NFATC3: variants seen among roughly 807,000 people sequenced by gnomAD.
The protein encoded by NFATC3 is nuclear factor of activated T-cells, cytoplasmic 3.
Under a neutral mutation model 98.6 loss-of-function variants are expected in NFATC3, and 46 were observed. The ratio of observed to expected loss-of-function variants is 0.47; its 90% CI spans 0.37 to 0.60. The LOEUF is 0.60. Ranked by LOEUF, NFATC3 falls within the 20% of genes least tolerant of loss-of-function variation. NFATC3 has a pLI of 0.00. For synonymous variants in NFATC3, 512 were observed against 472.2 expected (o/e 1.08, Z -1.09); for missense variants, 1,256 against 1,295.5 (o/e 0.97, Z 0.47).
At chr16:68,192,344 G>T (rs1268026333) in intron 9 of NFATC3, 9 of 146,846 alleles carry the variant, frequency 6.1e-5, no homozygotes, top group African/African-American at 2.3e-4. Context: ...GAGAGAGAGA[G>T]AGAGAGAGAG....
chr16:68,110,275 G>GA (rs929102690), intron 1 of NFATC3, among the ~76,000 whole-genome samples: 1 of 151,124 alleles, frequency 6.6e-6, no homozygotes, highest in Admixed American at 6.6e-5. Flanking sequence ...AAAGTGCTAG[G>GA]ATTACAGGTG....
intron 9 of NFATC3, among the ~76,000 whole-genome samples, chr16:68,210,085 C>G (rs1400552638): frequency 6.6e-6 from 1 of 151,884 alleles, no homozygotes; most frequent in Non-Finnish European, 1.5e-5. Context: ...ATCACGAGGT[C>G]GGGACATTGA....
In NFATC3 at chr16:68,122,914, C is replaced by T; in HGVS notation, c.1031C>T (p.Ser344Phe). Residue 344 changes from serine to phenylalanine, a missense_variant, in exon 2 of 10, where the codon TCT (serine) becomes TTT (phenylalanine). Around this residue, in one of 3 missense-constraint regions of NFATC3, gnomAD observed 464 missense variants for 465.7 expected, o/e 1.00. Transcript: ENST00000346183. Reference sequence around the variant, plus strand: ...ATCCCTCTCAAAACAAGGAAAACTTCTGAAGATCAAGCTGCCATACTACCA... The same window carrying T: ...ATCCCTCTCAAAACAAGGAAAACTTTTGAAGATCAAGCTGCCATACTACCA... ...TDIPLKTRKT[S>F]EDQAAILPGK... The T allele has an allele frequency of 6.2e-7, 1 of 1,614,198 alleles. No homozygotes were observed. The highest frequency in any genetic ancestry group is 8.5e-7 in the Non-Finnish European group (1 of 1,180,044).
chr16:68,085,571 C>T lies in NFATC3; in HGVS notation c.-111C>T, dbSNP rs951517614. The T allele has an allele frequency of 6.0e-5, 56 of 934,324 alleles. 1 individual carries two copies. The Middle Eastern group carries it at 1.0e-3, about 17-fold the overall frequency. 57.9% of individuals were successfully genotyped at this position (934,324 alleles called of 1,614,324 possible). On this transcript the variant is annotated 5_prime_UTR_variant, in exon 1 of 10. Coordinates refer to ENST00000346183, the MANE Select transcript of NFATC3 (RefSeq NM_173165.3). The stretch of plus-strand genomic sequence containing the variant: ...CGGAAAGTTTGCCGTGGAGTCGCGA[C>T]CTCTTGGCCCGCGCGGCCCGGCATG...
chr16:68,226,348 A>G lies in NFATC3; in HGVS notation c.3107-2A>G. 6.4e-7 allele frequency: 1 copy of G among 1,571,436 alleles called. No individual in the cohort carries two copies. Among genetic ancestry groups the G allele is most frequent in the Non-Finnish European group, 8.6e-7 (1 of 1,163,654 alleles). On this transcript the variant is annotated splice_acceptor_variant, in intron 9 of 9. Coordinates refer to ENST00000346183, the MANE Select transcript of NFATC3 (RefSeq NM_173165.3). LOFTEE classifies it high-confidence loss of function. ...ATCACTCTCCCTTTTCTTGTTTTTC[A>G]GTGAACGAGATAATTGGGAGAGACA...
At chr16:68,213,094 C>T (rs1429123982) in intron 9 of NFATC3, among the ~76,000 whole-genome samples, 3 of 150,308 alleles carry the variant, frequency 2.0e-5, no homozygotes, top group Non-Finnish European at 3.0e-5. Context: ...CCACCATGCC[C>T]GGCCTGTTTC....
At chr16:68,212,362 G>A (rs1392555835) in intron 9 of NFATC3, 1 of 152,132 alleles carries the variant, frequency 6.6e-6, no homozygotes, top group Non-Finnish European at 1.5e-5. Context: ...TAAAAGGAAG[G>A]TATTAGTTAG....
At chr16:68,123,244 T>A (rs2036641372) in intron 2 of NFATC3, 123 bp downstream of exon 2, 3 of 1,022,082 alleles carry the variant, frequency 2.9e-6, no homozygotes, top group African/African-American at 1.6e-5. Context: ...TTCCTATTTT[T>A]AAAAAAAATT....
At chr16:68,103,430 A>C (rs112217729) in intron 1 of NFATC3, among the ~76,000 whole-genome samples, 1 of 152,130 alleles carries the variant, frequency 6.6e-6, no homozygotes, top group African/African-American at 2.4e-5. Flanking sequence ...GGTTGGTCTC[A>C]AATTCCTGGG....
intron 9 of NFATC3, among the ~76,000 whole-genome samples, chr16:68,201,277 C>T (rs1306955523): frequency 3.3e-5 from 5 of 151,832 alleles, no homozygotes; most frequent in Non-Finnish European, 7.4e-5. Flanking sequence ...GTTGCACAGG[C>T]TGGAGTGCAG....
chr16:68,162,785 C>G (rs1221153231), intron 4 of NFATC3, among the ~76,000 whole-genome samples: 1 of 150,630 alleles, frequency 6.6e-6, no homozygotes, highest in African/African-American at 2.4e-5. Flanking sequence ...TTGGGTGTTT[C>G]TCGCAGAGGG....
chr16:68,200,687 A>G (rs535420345), intron 9 of NFATC3: 1 of 152,140 alleles, frequency 6.6e-6, no homozygotes, highest in East Asian at 1.9e-4. Flanking sequence ...GTTCATGACT[A>G]TTTTGCTTCT....
intron 9 of NFATC3, among the ~76,000 whole-genome samples, chr16:68,219,007 G>C (rs937604140): frequency 6.6e-6 from 1 of 151,848 alleles, no homozygotes; most frequent in Non-Finnish European, 1.5e-5. Flanking sequence ...AGGAGGCCGA[G>C]GCGAGGTAGA....
intron 4 of NFATC3, among the ~76,000 whole-genome samples, chr16:68,163,405 C>T (rs1242825903): frequency 6.6e-5 from 10 of 151,212 alleles, no homozygotes; most frequent in Non-Finnish European, 4.4e-5. Context: ...GGCGGCTGGC[C>T]GGGCAGAGGG....
At chr16:68,190,168 G>GT (rs1423538504) in intron 8 of NFATC3, among the ~76,000 whole-genome samples, 5 of 152,184 alleles carry the variant, frequency 3.3e-5, no homozygotes, top group African/African-American at 2.4e-5. Context: ...GTATTTGTTA[G>GT]TTTTTTTGTG....
intron 9 of NFATC3, among the ~76,000 whole-genome samples, chr16:68,220,471 G>A (rs1461145679): frequency 6.6e-6 from 1 of 151,752 alleles, no homozygotes; most frequent in Non-Finnish European, 1.5e-5. Flanking sequence ...AAAAAAATTG[G>A]GGGGAAGAAA....
chr16:68,123,516 A>G lies in NFATC3; in HGVS notation c.1238+395A>G, dbSNP rs868228112. ...TCTCTACAAAAAAAAAAAAAAAAAA[A>G]TTAACCAGGCATAGTGATGTCTGCC... On this transcript the variant is annotated intron_variant, in intron 2 of 9. Coordinates refer to ENST00000346183, the MANE Select transcript of NFATC3 (RefSeq NM_173165.3). Among the ~76,000 whole-genome samples the G allele has an allele frequency of 1.5e-4, 22 of 146,824 alleles. 1 individual carries two copies. In the Middle Eastern group the frequency reaches 0.028, roughly 188 times the overall value.
At chr16:68,124,634 C>T (rs895829547) in intron 2 of NFATC3, among the ~76,000 whole-genome samples, 5 of 151,776 alleles carry the variant, frequency 3.3e-5, no homozygotes, top group South Asian at 4.2e-4. Flanking sequence ...GGGGTTTCAC[C>T]GTGTTAGCCA....
intron 9 of NFATC3, among the ~76,000 whole-genome samples, chr16:68,218,471 C>G (rs1210797364): frequency 2.2e-5 from 3 of 135,562 alleles, no homozygotes; most frequent in Non-Finnish European, 4.6e-5. Context: ...GAGCCAAGAT[C>G]GTGCCACTGC....
Sources: gnomAD v4.1 joint callset for allele counts (sites outside exome capture counted in the v4.1 genomes callset) on GRCh38, gnomAD v4.1.1 for gene constraint, gnomAD v4.1.1 regional missense constraint, MANE v1.5 for transcripts, NCBI Gene and HGNC (gene_info 2026-07-23, HGNC 2026-07-21) for gene names.